CCDC172: variants seen among roughly 807,000 people sequenced by gnomAD.
CCDC172 encodes coiled-coil domain containing 172.
A neutral mutation model predicts 38.0 loss-of-function variants in CCDC172; 30 were observed. That is an observed-to-expected ratio of 0.79 (90% CI 0.59 to 1.07). The LOEUF (loss-of-function observed/expected upper bound fraction) is 1.07, where lower values mean the gene tolerates loss of function less well. CCDC172 is among the 50% of genes least tolerant of loss of function. The pLI is 0.00. For missense variants in CCDC172, 297 were observed against 290.1 expected (o/e 1.02, Z -0.17); for synonymous variants, 78 against 88.3 (o/e 0.88, Z 0.66).
intron 5 of CCDC172, among the ~76,000 whole-genome samples, chr10:116,348,812 T>C (rs1415077766): frequency 6.6e-6 from 1 of 152,166 alleles, no homozygotes; most frequent in African/African-American, 2.4e-5. Flanking sequence ...GTACCCTGCT[T>C]CCTCCTGCCT....
intron 7 of CCDC172, among the ~76,000 whole-genome samples, chr10:116,376,073 A>C (rs908816871): frequency 6.6e-6 from 1 of 152,232 alleles, no homozygotes; most frequent in Non-Finnish European, 1.5e-5. Flanking sequence ...ACACATGCAC[A>C]CATATGTTTA....
intron 3 of CCDC172, among the ~76,000 whole-genome samples, chr10:116,328,651 A>G (rs1212907904): frequency 6.6e-6 from 1 of 151,876 alleles, no homozygotes; most frequent in Non-Finnish European, 1.5e-5. Flanking sequence ...TAAACACCAT[A>G]ACAATAATAA....
At chr10:116,342,395 A>G (rs777847656) in intron 5 of CCDC172, 194 bp downstream of exon 5, 1 of 427,136 alleles carries the variant, frequency 2.3e-6, no homozygotes, top group Non-Finnish European at 4.1e-6. Context: ...TACATGTGAC[A>G]TGAACATTTG....
intron 7 of CCDC172, among the ~76,000 whole-genome samples, chr10:116,374,771 TA>T (rs1406852399): frequency 1.3e-5 from 2 of 151,996 alleles, no homozygotes; most frequent in Admixed American, 1.3e-4. Flanking sequence ...ATAACTATAT[TA>T]AATGAAAATG....
chr10:116,340,546 T>C (rs1844779193), intron 3 of CCDC172, among the ~76,000 whole-genome samples, 188 bp from the exon 4 acceptor site: 1 of 151,894 alleles, frequency 6.6e-6, no homozygotes, highest in Admixed American at 6.6e-5. Flanking sequence ...AAATTGTAAC[T>C]ATAAAGTACT....
intron 5 of CCDC172, among the ~76,000 whole-genome samples, chr10:116,351,193 TAATG>T (rs1394560262): frequency 6.6e-6 from 1 of 152,166 alleles, no homozygotes; most frequent in Non-Finnish European, 1.5e-5. Flanking sequence ...AATCAATTAA[TAATG>T]AATAAAATAT....
intron 3 of CCDC172, among the ~76,000 whole-genome samples, chr10:116,329,016 A>G (rs932768228): frequency 1.3e-5 from 2 of 152,220 alleles, no homozygotes; most frequent in African/African-American, 2.4e-5. Flanking sequence ...CTGCTAAATC[A>G]CACTATGAAT....
In CCDC172 at chr10:116,378,447, T is replaced by C; in HGVS notation, c.678T>C (p.Tyr226=). 6.2e-7 allele frequency: 1 copy of C among 1,600,362 alleles called. No individual in the cohort carries two copies. The highest frequency in any genetic ancestry group is 8.5e-7 in the Non-Finnish European group (1 of 1,175,318). ...GACTTAAAAAAGAATTAGAACTTTA[T>C]AAGGAAGATGACATGGAAAGTGTTT... is the stretch of plus-strand genomic sequence containing the variant. ...CLRLKKELEL[Y]KEDDMESVYE... is the part of the protein sequence containing the mutation. Residue 226 remains tyrosine, a synonymous_variant, in exon 8 of 9, where the codon TAT becomes TAC. Coordinates refer to ENST00000333254, the MANE Select transcript of CCDC172 (RefSeq NM_198515.3).
chr10:116,347,816 T>C (rs1844885588), intron 5 of CCDC172, among the ~76,000 whole-genome samples: 1 of 152,140 alleles, frequency 6.6e-6, no homozygotes, highest in African/African-American at 2.4e-5. Flanking sequence ...CTGGGTTTTC[T>C]ATGTTTAGTT....
intron 7 of CCDC172, among the ~76,000 whole-genome samples, chr10:116,365,443 G>C (rs978350107): frequency 1.3e-5 from 2 of 151,834 alleles, no homozygotes. Context: ...TGGAATGGTG[G>C]GAATATCTCT....
At chr10:116,351,704 TA>T (rs1844933102) in intron 5 of CCDC172, among the ~76,000 whole-genome samples, 2 of 152,196 alleles carry the variant, frequency 1.3e-5, no homozygotes, top group Non-Finnish European at 2.9e-5. Context: ...TACTTTTAGA[TA>T]TTGAGGACAA....
Position 116,374,937 on chromosome 10 carries a change from T to C in CCDC172, c.654-3486T>C, listed in dbSNP as rs141133450. On this transcript the variant is annotated intron_variant, in intron 7 of 8. Transcript: ENST00000333254. ...AAAGCAATATCCTGTACTAGCGGTC[T>C]GGAAGTTCTAGTTTCTTTATATCCT... Among the ~76,000 whole-genome samples, 164 of 152,056 alleles carry C rather than the reference T, an allele frequency of 1.1e-3. 1 individual carries two copies. The East Asian group carries it at 0.028, about 26-fold the overall frequency.
rs1181466812 is a variant in CCDC172, at chr10:116,357,954, T to C, written c.653+16T>C. The C allele has an allele frequency of 2.1e-6, 3 of 1,445,054 alleles. No homozygotes were observed. The highest frequency in any genetic ancestry group is 2.9e-6 in the Non-Finnish European group (3 of 1,038,832). The allele number at this position is 1,445,054 out of a possible 1,614,324, so 89.5% of individuals were successfully genotyped here. The stretch of plus-strand genomic sequence containing the variant: ...AATGCTTAAGGTAAGAGTTTCCTGT[T>C]ATATTTTGGCCTAAATCAGGTAATT... On this transcript the variant is annotated intron_variant, in intron 7 of 8. Coordinates refer to ENST00000333254, the MANE Select transcript of CCDC172 (RefSeq NM_198515.3).
At chr10:116,332,345 C>A (rs1039627975) in intron 3 of CCDC172, among the ~76,000 whole-genome samples, 1 of 152,058 alleles carries the variant, frequency 6.6e-6, no homozygotes, top group Non-Finnish European at 1.5e-5. Flanking sequence ...CCATATTAAC[C>A]ATAATTCTGC....
At chr10:116,340,377 CTT>C (rs1426940799) in intron 3 of CCDC172, among the ~76,000 whole-genome samples, 1 of 151,626 alleles carries the variant, frequency 6.6e-6, no homozygotes, top group Non-Finnish European at 1.5e-5. Flanking sequence ...AAAATAGAAA[CTT>C]ATTATCTAAA....
intron 5 of CCDC172, among the ~76,000 whole-genome samples, chr10:116,343,538 A>T (rs7912963): frequency 0.091 from 13,548 of 148,898 alleles, 864 homozygotes; most frequent in East Asian, 0.21. Context: ...TTTTTAAAAA[A>T]ATATATATAA....
intron 7 of CCDC172, among the ~76,000 whole-genome samples, chr10:116,378,190 C>G (rs1024363067): frequency 6.6e-6 from 1 of 152,068 alleles, no homozygotes; most frequent in Non-Finnish European, 1.5e-5. Context: ...CAAAAAACAA[C>G]AACAACAAAA....
At position 116,342,044 on chromosome 10, in the gene CCDC172, A is replaced by G. The variant is rs759456413; in HGVS notation, c.291A>G (p.Ile97Met). Residue 97 changes from isoleucine to methionine, a missense_variant, in exon 5 of 9, where the codon ATA becomes ATG. Coordinates refer to ENST00000333254, the MANE Select transcript of CCDC172 (RefSeq NM_198515.3). ...TTATTTATGTTTTTCAGGAGGCTAT[A>G]AAGAAACAAATGATAGAGGAGGAAG... Reference protein sequence around the residue: ...RNMLLQTFEAIKKQMIEEEDK... With the variant: ...RNMLLQTFEAMKKQMIEEEDK... The G allele has an allele frequency of 4.7e-6, 7 of 1,502,370 alleles. No homozygotes were observed. The African/African-American group carries it at 1.0e-4, about 22-fold the overall frequency. 93.1% of individuals were successfully genotyped at this position (1,502,370 alleles called of 1,614,324 possible).
At chr10:116,352,871 C>T (rs1373535349) in intron 5 of CCDC172, among the ~76,000 whole-genome samples, 1 of 151,706 alleles carries the variant, frequency 6.6e-6, no homozygotes, top group African/African-American at 2.4e-5. Flanking sequence ...ATATAGAAAA[C>T]CTAAGGAATC....
Sources: allele counts gnomAD v4.1 joint callset (sites outside exome capture counted in the v4.1 genomes callset), GRCh38; gene constraint gnomAD v4.1.1; transcripts MANE v1.5; gene names NCBI Gene and HGNC (gene_info 2026-07-23, HGNC 2026-07-21).